ANKRD62: variants seen among roughly 807,000 people sequenced by gnomAD.
ANKRD62 encodes ankyrin repeat domain 62.
Under a neutral mutation model 98.8 loss-of-function variants are expected in ANKRD62, and 61 were observed. The ratio of observed to expected loss-of-function variants is 0.62; its 90% CI spans 0.50 to 0.76. ANKRD62 has a LOEUF of 0.76. Ranked by LOEUF, ANKRD62 falls within the 30% of genes least tolerant of loss-of-function variation. The probability of loss-of-function intolerance (pLI) is 0.00; values close to 1 mark genes in which losing one functional copy is unlikely to be tolerated. For missense variants in ANKRD62, 933 were observed against 1,082.9 expected, an observed-to-expected ratio of 0.86 and a Z score of 1.94; for synonymous variants, 341 against 367.9, an observed-to-expected ratio of 0.93 and a Z score of 0.84.
intron 11 of ANKRD62, among the ~76,000 whole-genome samples, chr18:12,122,822 T>G (rs1909808231): frequency 6.6e-6 from 1 of 152,172 alleles, no homozygotes; most frequent in African/African-American, 2.4e-5. Flanking sequence ...GTAAGAAACA[T>G]CTTACAGATC....
At chr18:12,181,423 C>G in the ANKRD62 span, among the ~76,000 whole-genome samples, 1 of 152,212 alleles carries the variant, frequency 6.6e-6, no homozygotes, top group South Asian at 2.1e-4. Context: ...TGACTTATTG[C>G]AACCATCTGA....
the ANKRD62 span, among the ~76,000 whole-genome samples, chr18:12,170,387 A>G: frequency 6.6e-6 from 1 of 152,196 alleles, no homozygotes; most frequent in African/African-American, 2.4e-5. Flanking sequence ...TTCGTTATGT[A>G]TCCAGTAGTC....
the ANKRD62 span, among the ~76,000 whole-genome samples, chr18:12,167,129 T>G: frequency 6.6e-6 from 1 of 151,574 alleles, no homozygotes; most frequent in East Asian, 2.0e-4. Flanking sequence ...ACTAAGTTTT[T>G]TAAATTTTAT....
chr18:12,104,475 G>A (rs1909371940), intron 7 of ANKRD62, among the ~76,000 whole-genome samples: 1 of 152,076 alleles, frequency 6.6e-6, no homozygotes, highest in African/African-American at 2.4e-5. Context: ...AACAAGTATT[G>A]TAATAGCATA....
chr18:12,141,256 C>T, the ANKRD62 span, among the ~76,000 whole-genome samples: 2 of 152,222 alleles, frequency 1.3e-5, no homozygotes, highest in Non-Finnish European at 2.9e-5. Flanking sequence ...GTCTGTCACC[C>T]CTTTCTTTGA....
intron 10 of ANKRD62, 97 bp downstream of exon 10, chr18:12,115,631 A>G (rs1598735426): frequency 9.3e-7 from 1 of 1,074,386 alleles, no homozygotes. Context: ...GATGTGTTAT[A>G]GGGATGTTCA....
At chr18:12,134,913 G>T in the ANKRD62 span, among the ~76,000 whole-genome samples, 4 of 152,066 alleles carry the variant, frequency 2.6e-5, no homozygotes, top group African/African-American at 9.7e-5. Flanking sequence ...AGGTCAAATG[G>T]TATTTCTAGT....
downstream of ANKRD62, among the ~76,000 whole-genome samples, chr18:12,133,147 A>G (rs575048489): frequency 2.6e-5 from 4 of 152,286 alleles, no homozygotes; most frequent in South Asian, 8.3e-4. Flanking sequence ...TGCTGGGTAT[A>G]TTATATAAGT....
intron 7 of ANKRD62, among the ~76,000 whole-genome samples, chr18:12,104,319 A>T (rs1909368520): frequency 6.6e-6 from 1 of 152,166 alleles, no homozygotes; most frequent in Non-Finnish European, 1.5e-5. Flanking sequence ...GAAATTTAAC[A>T]GTTAAATTTT....
the ANKRD62 span, among the ~76,000 whole-genome samples, chr18:12,177,381 G>A: frequency 0.33 from 48,929 of 146,210 alleles, 4,943 homozygotes; most frequent in East Asian, 0.61. Context: ...TGAGCTCCGC[G>A]GCTTTGGGGG....
the ANKRD62 span, among the ~76,000 whole-genome samples, chr18:12,151,488 C>T: frequency 0.012 from 1,885 of 152,286 alleles, 29 homozygotes; most frequent in African/African-American, 0.041. Context: ...ATTCTCTCAT[C>T]ACCACATGCC....
rs551017161 is a variant in ANKRD62, at chr18:12,127,972, T to C, written c.*33T>C. 3.2e-5 allele frequency: 40 copies of C among 1,251,398 alleles called. No individual in the cohort carries two copies. The African/African-American group carries it at 5.6e-4, about 17-fold the overall frequency. The allele number at this position is 1,251,398 out of a possible 1,614,324, so 77.5% of individuals were successfully genotyped here. On this transcript the variant is annotated 3_prime_UTR_variant, in exon 14 of 14. Coordinates refer to ENST00000587848, the MANE Select transcript of ANKRD62 (RefSeq NM_001277333.2). Reference sequence around the variant, plus strand: ...AATAATATCAAGTGTTTCAGGACACTAGTTTCAGTGGAGAGCTTTCTTTTG... The same window carrying C: ...AATAATATCAAGTGTTTCAGGACACCAGTTTCAGTGGAGAGCTTTCTTTTG...
the ANKRD62 span, among the ~76,000 whole-genome samples, chr18:12,145,075 G>A: frequency 0.21 from 31,362 of 151,956 alleles, 4,175 homozygotes; most frequent in East Asian, 0.54. Flanking sequence ...CCCAGGAGGC[G>A]GAGGTTGTGG....
the ANKRD62 span, among the ~76,000 whole-genome samples, chr18:12,158,877 G>T: frequency 6.6e-6 from 1 of 152,062 alleles, no homozygotes; most frequent in East Asian, 1.9e-4. Context: ...TTTCAGCTGG[G>T]CTTCGAGTGG....
chr18:12,159,942 A>C, the ANKRD62 span, among the ~76,000 whole-genome samples: 3 of 152,136 alleles, frequency 2.0e-5, no homozygotes, highest in Non-Finnish European at 2.9e-5. Flanking sequence ...TTTAGGTTTT[A>C]ATTATTTTTA....
chr18:12,099,672 T>C lies in ANKRD62; in HGVS notation c.810T>C (p.Asn270=). The part of the protein sequence containing the change: ...KANKRCKSLQ[N]SNSEQDLEMT... ...ACAAGAGATGTAAAAGTCTTCAAAA[T>C]AGCAATTCAGGTATGACTTCTGATA... The change falls in exon 6 of 14, where the codon AAT becomes AAC. Residue 270 remains asparagine (N), a synonymous_variant. Coordinates refer to ENST00000587848, the MANE Select transcript of ANKRD62 (RefSeq NM_001277333.2). 6.7e-7 allele frequency: 1 copy of C among 1,483,404 alleles called. No individual in the cohort carries two copies. Among genetic ancestry groups the C allele is most frequent in the South Asian group, 1.3e-5 (1 of 74,278 alleles). The allele number at this position is 1,483,404 out of a possible 1,614,324, so 91.9% of individuals were successfully genotyped here. A position where few individuals can be genotyped will look rare whatever the true frequency, so the allele number is the denominator to read the frequency against.
At chr18:12,123,781 A>C (rs1304228528) in intron 11 of ANKRD62, among the ~76,000 whole-genome samples, 2 of 152,222 alleles carry the variant, frequency 1.3e-5, no homozygotes, top group Non-Finnish European at 2.9e-5. Flanking sequence ...TGTTTATAAA[A>C]AATAACTTTT....
At chr18:12,117,991 A>G (rs2143922599) in intron 10 of ANKRD62, among the ~76,000 whole-genome samples, 1 of 152,304 alleles carries the variant, frequency 6.6e-6, no homozygotes, top group South Asian at 2.1e-4. Context: ...ACCTGCACAC[A>G]TATGTAGCCT....
chr18:12,102,724 A>G, intron 6 of ANKRD62: 1 of 1,016,740 alleles, frequency 9.8e-7, no homozygotes, highest in Non-Finnish European at 1.2e-6. Flanking sequence ...ATGAAGGTAT[A>G]AGCAGTAACA....
Sources: allele counts gnomAD v4.1 joint callset (sites outside exome capture counted in the v4.1 genomes callset), GRCh38; gene constraint gnomAD v4.1.1; transcripts MANE v1.5; gene names NCBI Gene and HGNC (gene_info 2026-07-23, HGNC 2026-07-21).